Variants in PARP12 observed in about 807,000 individuals in gnomAD.
PARP12 encodes the protein protein mono-ADP-ribosyltransferase PARP12.
A neutral mutation model predicts 72.4 loss-of-function variants in PARP12; 59 were observed. The ratio of observed to expected loss-of-function variants is 0.81; its 90% CI spans 0.66 to 1.01. The LOEUF (loss-of-function observed/expected upper bound fraction) is 1.01. Among genes scored for constraint, PARP12 ranks in the 50% least tolerant of loss-of-function variants. The probability of loss-of-function intolerance (pLI) is 0.00; values close to 1 mark genes in which losing one functional copy is unlikely to be tolerated. For missense variants in PARP12, 851 were observed against 914.0 expected (o/e 0.93, Z 0.89); for synonymous variants, 403 against 371.4 (o/e 1.09, Z -0.98).
At chr7:140,030,597 A>AT (rs1815902531) in intron 8 of PARP12, among the ~76,000 whole-genome samples, 1 of 152,218 alleles carries the variant, frequency 6.6e-6, no homozygotes, top group Non-Finnish European at 1.5e-5. Context: ...CTCCATCTCA[A>AT]AATACATACA....
chr7:140,034,288 A>G lies in PARP12; in HGVS notation c.1368T>C (p.Val456=), dbSNP rs1287786899. 1 of 1,613,268 alleles carries G rather than the reference A, an allele frequency of 6.2e-7. No homozygotes were observed. Among genetic ancestry groups the G allele is most frequent in the East Asian group, 2.2e-5 (1 of 44,880 alleles). ...GAGACACGTATTTGGGTCTGCGGCA[A>G]ACCTTTTTAGTTGTGCCATAGACCA... ...KNLVYGTTKK[V]CRRPKYVSPQ... Residue 456 remains valine, a synonymous_variant, in exon 8 of 12, where the codon GTT becomes GTC. Coordinates refer to ENST00000263549, the MANE Select transcript of PARP12 (RefSeq NM_022750.4).
chr7:140,024,341 TG>T lies in PARP12; in HGVS notation c.*218del. On this transcript the variant is annotated 3_prime_UTR_variant, in exon 12 of 12. Coordinates refer to ENST00000263549, the MANE Select transcript of PARP12 (RefSeq NM_022750.4). ...TCAACACATTATTAAAAAGCAAAACTGGACTCAACTACAATCACTTCTGGTT... is the reference window on the plus strand; with the variant it reads ...TCAACACATTATTAAAAAGCAAAACTGACTCAACTACAATCACTTCTGGTT... 1 of 584,752 alleles carries T rather than the reference TG, an allele frequency of 1.7e-6. No homozygotes were observed. Among genetic ancestry groups the T allele is most frequent in the Non-Finnish European group, 3.0e-6 (1 of 332,820 alleles). 36.2% of individuals were successfully genotyped at this position (584,752 alleles called of 1,614,324 possible).
At chr7:140,054,209 A>AG (rs1817088487) in intron 4 of PARP12, among the ~76,000 whole-genome samples, 1 of 152,148 alleles carries the variant, frequency 6.6e-6, no homozygotes, top group Admixed American at 6.5e-5. Flanking sequence ...GGATCAATAC[A>AG]GAAAAAAAAC....
chr7:140,059,363 C>T (rs200054512), intron 1 of PARP12, among the ~76,000 whole-genome samples: 734 of 66,470 alleles, frequency 0.011, 5 homozygotes, highest in African/African-American at 0.037. Context: ...GGCGTGTATA[C>T]ACACACACAC....
At chr7:140,038,124 G>A (rs1816294727) in intron 6 of PARP12, 1 of 985,290 alleles carries the variant, frequency 1.0e-6, no homozygotes, top group African/African-American at 1.7e-5. Context: ...CGGAGAGGAG[G>A]GCACTCAAGT....
At chr7:140,049,668 G>A (rs924075810) in intron 4 of PARP12, among the ~76,000 whole-genome samples, 17 of 152,186 alleles carry the variant, frequency 1.1e-4, no homozygotes, top group African/African-American at 3.9e-4. Context: ...TGGGGGCCAG[G>A]GGAATGCACT....
intron 6 of PARP12, 68 bp downstream of exon 6, chr7:140,041,576 G>T: frequency 6.8e-7 from 1 of 1,473,186 alleles, no homozygotes; most frequent in Non-Finnish European, 9.2e-7. Flanking sequence ...CAATATGGGG[G>T]CTCTTATTTG....
chr7:140,033,372 A>T, intron 8 of PARP12: 1 of 985,390 alleles, frequency 1.0e-6, no homozygotes, highest in African/African-American at 1.7e-5. Flanking sequence ...CAAAAGAGAC[A>T]TTGTTGGTTC....
intron 3 of PARP12, 41 bp downstream of exon 3, chr7:140,056,815 C>T: frequency 1.3e-6 from 2 of 1,533,734 alleles, no homozygotes; most frequent in Non-Finnish European, 1.8e-6. Context: ...CCAGGACCTC[C>T]CGTGCTCCCC....
chr7:140,057,121 G>A lies in PARP12; in HGVS notation c.495C>T (p.Pro165=). 6.2e-7 allele frequency: 1 copy of A among 1,614,022 alleles called. No homozygotes were observed. The highest frequency in any genetic ancestry group is 8.5e-7 in the Non-Finnish European group (1 of 1,180,012). ...GCTTTTGAAAGGCACAAGAGCCGTG[G>A]GGTCCATCTCCTTTGTTGTAATGTT... is the stretch of plus-strand genomic sequence containing the variant. ...ICQHYNKGDG[P]HGSCAFQKQC... Residue 165 remains proline (P), a synonymous_variant, in exon 3 of 12, where the codon CCC becomes CCT. Coordinates refer to ENST00000263549, the MANE Select transcript of PARP12 (RefSeq NM_022750.4).
At chr7:140,054,930 A>C (rs1220621440) in intron 3 of PARP12, among the ~76,000 whole-genome samples, 167 bp from the exon 4 acceptor site, 1 of 152,230 alleles carries the variant, frequency 6.6e-6, no homozygotes, top group African/African-American at 2.4e-5. Flanking sequence ...TCTACTTTTT[A>C]GTGACAGGCT....
Position 140,062,536 on chromosome 7 carries a change from CT to C in PARP12, c.311del (p.Lys104SerfsTer3), listed in dbSNP as rs1170205034. The C allele has an allele frequency of 1.3e-6, 2 of 1,553,324 alleles. No individual in the cohort carries two copies. Among genetic ancestry groups the C allele is most frequent in the South Asian group, 1.2e-5 (1 of 85,360 alleles). ...LCRFMVYGAC[K>X]FLRAGKNCRN... is the part of the protein sequence containing the mutation. ...CGGCGCCTTACCCGGCTCTCAGGAA[CT>C]TGCAGGCGCCGTAGACCATGAACCT... On this transcript the variant is annotated frameshift_variant, in exon 1 of 12. Transcript: ENST00000263549. LOFTEE classifies it high-confidence loss of function.
intron 5 of PARP12, among the ~76,000 whole-genome samples, chr7:140,045,913 C>T (rs928923026): frequency 4.6e-5 from 7 of 152,130 alleles, no homozygotes; most frequent in South Asian, 2.1e-4. Context: ...ACATACCACA[C>T]GGTTCTATTT....
At chr7:140,043,307 AC>A (rs1816573061) in intron 5 of PARP12, among the ~76,000 whole-genome samples, 1 of 152,182 alleles carries the variant, frequency 6.6e-6, no homozygotes, top group Non-Finnish European at 1.5e-5. Context: ...ACAAAATCAG[AC>A]CACCCTGAAC....
Position 140,057,011 on chromosome 7 carries a change from G to A in PARP12, c.605C>T (p.Ser202Phe). Residue 202 changes from serine to phenylalanine, a missense_variant, in exon 3 of 12, where the codon TCT becomes TTT. Around this residue, in one of 3 missense-constraint regions of PARP12, gnomAD observed 492 missense variants for 489.3 expected, o/e 1.01. Transcript: ENST00000263549. ...CAATTTTTCCAGATTCTCAGAATTA[G>A]AGAAATCATGGGATCTCTTACAGCT... ...GTSCKRSHDF[S>F]NSENLEKLEK... 6.2e-7 allele frequency: 1 copy of A among 1,614,228 alleles called. No individual in the cohort carries two copies. The highest frequency in any genetic ancestry group is 8.5e-7 in the Non-Finnish European group (1 of 1,180,048).
chr7:140,059,969 G>A (rs914835833), intron 1 of PARP12, among the ~76,000 whole-genome samples: 3 of 152,150 alleles, frequency 2.0e-5, no homozygotes, highest in East Asian at 3.8e-4. Flanking sequence ...TCCAGAAGAG[G>A]GGCAAATAAT....
rs1815639223 is a variant in PARP12 at position 140,024,359 on chromosome 7, C to T, written c.*201G>A. 2 of 648,396 alleles carry T rather than the reference C, an allele frequency of 3.1e-6. No homozygotes were observed. The highest frequency in any genetic ancestry group is 5.3e-6 in the Non-Finnish European group (2 of 374,470). The allele number at this position is 648,396 out of a possible 1,614,324, so 40.2% of individuals were successfully genotyped here. ...GCAAAACTGGACTCAACTACAATCACTTCTGGTTAATCCACTAGTGAACCC... is the reference window on the plus strand; with the variant it reads ...GCAAAACTGGACTCAACTACAATCATTTCTGGTTAATCCACTAGTGAACCC... On this transcript the variant is annotated 3_prime_UTR_variant, in exon 12 of 12. Transcript: ENST00000263549.
intron 11 of PARP12, chr7:140,025,374 C>A: frequency 3.4e-6 from 1 of 297,832 alleles, no homozygotes; most frequent in Non-Finnish European, 6.7e-6. Flanking sequence ...CATTTAAATC[C>A]ACAAGTCTAC....
At chr7:140,038,251 G>A (rs772135814) in intron 6 of PARP12, 750 of 985,286 alleles carry the variant, frequency 7.6e-4, no homozygotes, top group Non-Finnish European at 8.6e-4. Context: ...GTCTATTCAC[G>A]TTGCAACCAT....
Sources: allele counts gnomAD v4.1 joint callset (sites outside exome capture counted in the v4.1 genomes callset), GRCh38; gene constraint gnomAD v4.1.1; regional missense constraint gnomAD v4.1.1; transcripts MANE v1.5; gene names NCBI Gene and HGNC (gene_info 2026-07-23, HGNC 2026-07-21).